The following PCNX2 variants were observed in gnomAD, a reference collection of about 807,000 sequenced individuals.
PCNX2 encodes pecanex 2.
A neutral mutation model predicts 223.8 loss-of-function variants in PCNX2; 168 were observed. The ratio of observed to expected loss-of-function variants is 0.75; its 90% confidence interval spans 0.66 to 0.85. The LOEUF is 0.85. Ranked by LOEUF, PCNX2 falls within the 40% of genes least tolerant of loss-of-function variation. The probability of loss-of-function intolerance (pLI) is 0.00; values close to 1 mark genes in which losing one functional copy is unlikely to be tolerated. For missense variants in PCNX2, 2,507 were observed against 2,675.5 expected (o/e 0.94, Z 1.39); for synonymous variants, 1,006 against 1,052.6 (o/e 0.96, Z 0.86).
chr1:233,165,276 T>C (rs937327729), intron 17 of PCNX2, among the ~76,000 whole-genome samples: 2 of 152,210 alleles, frequency 1.3e-5, no homozygotes, highest in Admixed American at 6.5e-5. Flanking sequence ...GTCAATAGTT[T>C]TTAAAATTTT....
At chr1:233,261,955 T>C in intron 3 of PCNX2, 90 bp downstream of exon 3, 1 of 1,557,486 alleles carries the variant, frequency 6.4e-7, no homozygotes, top group Non-Finnish European at 8.8e-7. Flanking sequence ...GCATGCAAGC[T>C]ACAATCACTG....
intron 1 of PCNX2, among the ~76,000 whole-genome samples, chr1:233,271,518 T>G (rs1359511940): frequency 6.6e-6 from 1 of 152,162 alleles, no homozygotes. Context: ...CAAGCCTATA[T>G]CAATTAATGT....
chr1:233,199,812 AC>A (rs1680953329), intron 14 of PCNX2, among the ~76,000 whole-genome samples: 1 of 152,048 alleles, frequency 6.6e-6, no homozygotes, highest in Non-Finnish European at 1.5e-5. Flanking sequence ...ACACACACAC[AC>A]ACACACACTT....
At chr1:233,012,534 A>G (rs946579471) in intron 28 of PCNX2, among the ~76,000 whole-genome samples, 3 of 152,178 alleles carry the variant, frequency 2.0e-5, no homozygotes, top group Non-Finnish European at 4.4e-5. Flanking sequence ...GTTTCCCTAG[A>G]ATACTGAGAG....
intron 1 of PCNX2, among the ~76,000 whole-genome samples, chr1:233,267,535 C>T (rs1660405516): frequency 1.3e-5 from 2 of 151,094 alleles, no homozygotes; most frequent in East Asian, 2.0e-4. Context: ...CCCCACCCCC[C>T]ATCCCCTGGC....
chr1:233,238,738 A>G (rs1166957510), intron 8 of PCNX2, among the ~76,000 whole-genome samples: 1 of 152,040 alleles, frequency 6.6e-6, no homozygotes, highest in African/African-American at 2.4e-5. Context: ...GTAAATAAAC[A>G]TAAACTTCAA....
At chr1:233,128,060 A>T (rs1018562212) in intron 21 of PCNX2, among the ~76,000 whole-genome samples, 1 of 152,220 alleles carries the variant, frequency 6.6e-6, no homozygotes, top group Non-Finnish European at 1.5e-5. Flanking sequence ...TTGAACACCC[A>T]GCGTGGTAGT....
chr1:233,214,051 A>T (rs991108719), intron 12 of PCNX2, among the ~76,000 whole-genome samples: 2 of 149,592 alleles, frequency 1.3e-5, no homozygotes, highest in African/African-American at 4.9e-5. Context: ...CTGGTCTTGA[A>T]CTCCTGACCT....
chr1:233,071,014 C>T (rs61118389), intron 23 of PCNX2, among the ~76,000 whole-genome samples: 1,723 of 152,044 alleles, frequency 0.011, 30 homozygotes, highest in African/African-American at 0.039. Context: ...CCAGCCTGGG[C>T]GACAGAGCAA....
intron 4 of PCNX2, among the ~76,000 whole-genome samples, chr1:233,259,644 C>T (rs954981409): frequency 4.6e-5 from 7 of 151,988 alleles, no homozygotes; most frequent in Admixed American, 4.6e-4. Flanking sequence ...CTCTGACAGG[C>T]CCCAGTGTGT....
chr1:233,122,131 CAGAG>C (rs962902320), intron 21 of PCNX2, among the ~76,000 whole-genome samples: 2 of 148,112 alleles, frequency 1.4e-5, no homozygotes, highest in South Asian at 4.3e-4. Flanking sequence ...GAGAGAGAGA[CAGAG>C]AGACATGGGA....
chr1:233,124,238 T>C (rs540849633), intron 21 of PCNX2, among the ~76,000 whole-genome samples: 9 of 152,334 alleles, frequency 5.9e-5, no homozygotes, highest in African/African-American at 2.2e-4. Flanking sequence ...TGTACTTTCT[T>C]ACGGATGGGA....
chr1:233,319,152 C>T, the PCNX2 span, among the ~76,000 whole-genome samples: 2 of 152,152 alleles, frequency 1.3e-5, no homozygotes, highest in African/African-American at 2.4e-5. Flanking sequence ...GTAAGACCCT[C>T]GATGGCAAGG....
chr1:232,988,933 C>T (rs1286714930), intron 32 of PCNX2, among the ~76,000 whole-genome samples: 4 of 152,180 alleles, frequency 2.6e-5, no homozygotes, highest in East Asian at 1.9e-4. Context: ...AGATGCACAG[C>T]GTGGCTGGCC....
chr1:233,104,495 C>A (rs1347688646), intron 21 of PCNX2, among the ~76,000 whole-genome samples: 1 of 151,924 alleles, frequency 6.6e-6, no homozygotes, highest in Non-Finnish European at 1.5e-5. Flanking sequence ...TACACTTAGC[C>A]ATGTAGTCTC....
At chr1:233,056,999 G>A (rs928299033) in intron 24 of PCNX2, among the ~76,000 whole-genome samples, 3 of 152,092 alleles carry the variant, frequency 2.0e-5, no homozygotes, top group South Asian at 2.1e-4. Context: ...ATTAACAGGG[G>A]TATGCAATAC....
rs1553330900 is a variant in PCNX2, at chr1:233,283,030, A to AT, written c.153+12295_153+12296insA. Reference sequence around the variant, plus strand: ...CTGGTGATGCGTATTCTAAAAAAAAAAATAATAATAATAACTTCTAAACAG... The same window carrying AT: ...CTGGTGATGCGTATTCTAAAAAAAAATAATAATAATAATAACTTCTAAACAG... On this transcript the variant is annotated intron_variant, in intron 1 of 33. Transcript: ENST00000258229. Among the ~76,000 whole-genome samples, 275 of 151,916 alleles carry AT rather than the reference A, an allele frequency of 1.8e-3. 2 individuals carry two copies. Among genetic ancestry groups the AT allele is most frequent in the East Asian group, 4.3e-3 (22 of 5,152 alleles).
chr1:233,005,828 T>C (rs1670265060), intron 28 of PCNX2, among the ~76,000 whole-genome samples: 2 of 152,230 alleles, frequency 1.3e-5, no homozygotes, highest in African/African-American at 4.8e-5. Context: ...GCTCCCACCC[T>C]CAGGCCAACA....
At chr1:233,056,843 T>C (rs768048532) in intron 24 of PCNX2, among the ~76,000 whole-genome samples, 6 of 152,212 alleles carry the variant, frequency 3.9e-5, no homozygotes, top group Non-Finnish European at 8.8e-5. Flanking sequence ...TTCTGAAACC[T>C]TCTAGATCCT....
Sources: gnomAD v4.1 joint callset for allele counts (sites outside exome capture counted in the v4.1 genomes callset) on GRCh38, gnomAD v4.1.1 for gene constraint, MANE v1.5 for transcripts, NCBI Gene and HGNC (gene_info 2026-07-23, HGNC 2026-07-21) for gene names.